The following SOX5 variants were observed in gnomAD, a reference collection of about 807,000 sequenced individuals.
SOX5 encodes transcription factor SOX-5.
A neutral mutation model predicts 92.0 loss-of-function variants in SOX5; 9 were observed. The observed-to-expected ratio is 0.10, with a 90% CI of 0.06 to 0.17. SOX5 has a LOEUF of 0.17. SOX5 is among the 10% of genes least tolerant of loss of function. The pLI is 1.00. For missense variants in SOX5, 642 were observed against 944.5 expected (o/e 0.68, Z 4.20); for synonymous variants, 344 against 336.3 (o/e 1.02, Z -0.25).
At chr12:23,638,887 CA>C (rs57608068) in intron 8 of SOX5, among the ~76,000 whole-genome samples, 46,320 of 119,562 alleles carry the variant, frequency 0.39, 7,023 homozygotes, top group Middle Eastern at 0.43. Flanking sequence ...TTTCTCACTG[CA>C]AAAAAAAAAA....
intron 7 of SOX5, among the ~76,000 whole-genome samples, chr12:23,641,506 T>C (rs2080053459): frequency 2.0e-5 from 3 of 152,076 alleles, no homozygotes; most frequent in Non-Finnish European, 2.9e-5. Context: ...AAATGGAAAA[T>C]AGATCCCTTC....
intron 4 of SOX5, among the ~76,000 whole-genome samples, chr12:24,142,705 C>T (rs1007183474): frequency 1.3e-5 from 2 of 151,600 alleles, no homozygotes; most frequent in African/African-American, 4.9e-5. Context: ...TGAGAGGAGC[C>T]CTTTGATTGG....
At chr12:23,822,075 C>A (rs530550498) in intron 3 of SOX5, among the ~76,000 whole-genome samples, 20 of 152,278 alleles carry the variant, frequency 1.3e-4, no homozygotes, top group African/African-American at 4.1e-4. Flanking sequence ...AAAAAACCAG[C>A]TCCTAGATTC....
At chr12:24,207,355 C>T (rs1173349270) in intron 4 of SOX5, among the ~76,000 whole-genome samples, 3 of 151,928 alleles carry the variant, frequency 2.0e-5, no homozygotes, top group Non-Finnish European at 4.4e-5. Context: ...AACAATATCG[C>T]CACGTTCAAC....
Position 23,588,947 on chromosome 12 carries a change from G to C in SOX5, c.1165-13109C>G, listed in dbSNP as rs573513001. Reference sequence around the variant, plus strand: ...ATTCAGTAGAGTAACATACTGTACAGGTTTGCAGCCTAGAAGTAATAGGCT... The same window carrying C: ...ATTCAGTAGAGTAACATACTGTACACGTTTGCAGCCTAGAAGTAATAGGCT... On this transcript the variant is annotated intron_variant, in intron 9 of 14. Transcript: ENST00000451604. Among the ~76,000 whole-genome samples, 79 of 152,012 alleles carry C rather than the reference G, an allele frequency of 5.2e-4. 2 individuals carry two copies. In the South Asian group the frequency reaches 0.016, roughly 31 times the overall value.
intron 9 of SOX5, among the ~76,000 whole-genome samples, chr12:23,598,649 T>C (rs1398435328): frequency 1.3e-5 from 2 of 152,048 alleles, no homozygotes; most frequent in Non-Finnish European, 2.9e-5. Flanking sequence ...TCCATCCACC[T>C]CGGCCTCCCA....
rs530935687 is a variant in SOX5, at chr12:24,044,336, G to A, written c.-1-148312C>T. Among the ~76,000 whole-genome samples, 6 of 152,232 alleles carry A rather than the reference G, an allele frequency of 3.9e-5. No individual in the cohort carries two copies. In the South Asian group the frequency reaches 1.0e-3, roughly 26 times the overall value. ...GTAAGTGTGAAATAATACATTATGT[G>A]CCACAATAGAACTATGCACAGGGTA... On this transcript the variant is annotated intron_variant, in intron 4 of 4. Coordinates refer to the SOX5 transcript ENST00000446891.
At chr12:24,178,306 T>C (rs1049707288) in intron 4 of SOX5, among the ~76,000 whole-genome samples, 2 of 151,824 alleles carry the variant, frequency 1.3e-5, no homozygotes, top group Admixed American at 6.6e-5. Flanking sequence ...ACAGATTCTA[T>C]TGTTCTTTGG....
intron 2 of SOX5, among the ~76,000 whole-genome samples, chr12:23,879,669 A>G (rs2096965895): frequency 6.6e-6 from 1 of 152,200 alleles, no homozygotes; most frequent in Non-Finnish European, 1.5e-5. Flanking sequence ...AAAGGTGGGA[A>G]GGAGACAGTG....
chr12:23,815,875 G>T (rs1233700607), intron 3 of SOX5, among the ~76,000 whole-genome samples: 1 of 152,104 alleles, frequency 6.6e-6, no homozygotes, highest in Non-Finnish European at 1.5e-5. Flanking sequence ...TCTATAAAGG[G>T]CTAGATAGGA....
intron 4 of SOX5, among the ~76,000 whole-genome samples, chr12:24,007,258 T>C (rs573326851): frequency 0.18 from 406 of 2,198 alleles, 178 homozygotes; most frequent in Non-Finnish European, 0.47. Context: ...TATATAAATG[T>C]ATTTATATAT....
intron 4 of SOX5, among the ~76,000 whole-genome samples, chr12:24,162,968 A>T (rs368400179): frequency 2.0e-5 from 3 of 152,034 alleles, no homozygotes; most frequent in Non-Finnish European, 4.4e-5. Context: ...TTTGTTTCCA[A>T]TGTAGGTAAA....
chr12:23,580,741 C>T (rs886218884), intron 9 of SOX5, among the ~76,000 whole-genome samples: 21 of 151,940 alleles, frequency 1.4e-4, no homozygotes, highest in African/African-American at 4.3e-4. Flanking sequence ...ATTATAGCTA[C>T]GATAACTTGT....
intron 9 of SOX5, chr12:23,582,101 AC>A: frequency 1.0e-6 from 1 of 960,320 alleles, no homozygotes; most frequent in Non-Finnish European, 1.2e-6. Flanking sequence ...GATCGTATTA[AC>A]CTAAGTAGGG....
At chr12:23,777,828 C>T (rs560104782) in intron 3 of SOX5, among the ~76,000 whole-genome samples, 24 of 152,230 alleles carry the variant, frequency 1.6e-4, no homozygotes, top group Admixed American at 5.2e-4. Context: ...TCACCTTCAA[C>T]GTACTTGCAC....
intron 4 of SOX5, among the ~76,000 whole-genome samples, chr12:23,990,992 T>C (rs1950500588): frequency 6.6e-6 from 1 of 151,968 alleles, no homozygotes; most frequent in South Asian, 2.1e-4. Context: ...GAAGATCTAT[T>C]TGGAAGATCC....
intron 6 of SOX5, among the ~76,000 whole-genome samples, chr12:23,681,973 TC>T (rs2086695360): frequency 6.6e-6 from 1 of 151,354 alleles, no homozygotes; most frequent in Non-Finnish European, 1.5e-5. Context: ...AAATTAGCAA[TC>T]CCCCATTATA....
At chr12:23,617,430 T>C (rs935710594) in intron 8 of SOX5, among the ~76,000 whole-genome samples, 1 of 152,180 alleles carries the variant, frequency 6.6e-6, no homozygotes, top group Non-Finnish European at 1.5e-5. Context: ...AGTGAATACA[T>C]GTACAGAAGA....
rs112750804 is a variant in SOX5 at position 24,262,960 on chromosome 12, G to A, written c.-77+14256C>T. Among the ~76,000 whole-genome samples, 935 of 152,232 alleles carry A rather than the reference G, an allele frequency of 6.1e-3. 16 individuals carry two copies. The highest frequency in any genetic ancestry group is 0.022 in the African/African-American group (893 of 41,516). ...TACTGGGCTGCGCGCAGTGGCTCAT[G>A]CCTGTAATCCCAGCACTCTGGGAGG... On this transcript the variant is annotated intron_variant, in intron 3 of 4. Coordinates refer to the SOX5 transcript ENST00000446891.
Sources: allele counts gnomAD v4.1 joint callset (sites outside exome capture counted in the v4.1 genomes callset), GRCh38; gene constraint gnomAD v4.1.1; transcripts MANE v1.5; gene names NCBI Gene and HGNC (gene_info 2026-07-23, HGNC 2026-07-21).